Variants in DPH6 observed in about 807,000 individuals in gnomAD.
DPH6 encodes diphthine--ammonia ligase.
In DPH6, 33 loss-of-function variants were observed where a neutral mutation model predicts 38.2. The observed-to-expected ratio is 0.86, with a 90% CI of 0.65 to 1.15. The LOEUF is 1.15. Among genes scored for constraint, DPH6 ranks in the 50% most tolerant of loss-of-function variants. The probability of loss-of-function intolerance (pLI) is 0.00; values close to 1 mark genes in which losing one functional copy is unlikely to be tolerated. For missense variants in DPH6, 325 were observed against 320.0 expected (o/e 1.02, Z -0.12); for synonymous variants, 108 against 103.0 (o/e 1.05, Z -0.30).
At chr15:35,448,851 C>A (rs184302022) in intron 5 of DPH6, among the ~76,000 whole-genome samples, 1 of 151,844 alleles carries the variant, frequency 6.6e-6, no homozygotes, top group Non-Finnish European at 1.5e-5. Context: ...AGGTTACATA[C>A]CATAATTATA....
chr15:35,373,417 A>G, intron 8 of DPH6, 104 bp downstream of exon 8: 2 of 989,492 alleles, frequency 2.0e-6, no homozygotes, highest in Non-Finnish European at 2.8e-6. Context: ...ATAAAAATCA[A>G]TTTTCTTTTT....
chr15:35,279,280 C>T (rs318354), intron 3 of DPH6, among the ~76,000 whole-genome samples: 149,225 of 151,882 alleles, frequency 0.98, 73,363 homozygotes, highest in East Asian at 1. Context: ...AATCTCCAGA[C>T]GAGACTTTGG....
chr15:35,340,188 T>C (rs1205025262), intron 3 of DPH6, among the ~76,000 whole-genome samples: 1 of 152,232 alleles, frequency 6.6e-6, no homozygotes, highest in African/African-American at 2.4e-5. Context: ...TGTTAGAAAC[T>C]AGGATTGCAA....
intron 6 of DPH6, among the ~76,000 whole-genome samples, chr15:35,394,373 C>T (rs959085791): frequency 2.5e-4 from 38 of 152,144 alleles, no homozygotes; most frequent in African/African-American, 8.7e-4. Context: ...TCCAGTTTTG[C>T]TACTTCCCAG....
In DPH6 at chr15:35,269,441, C is replaced by T. The variant is rs368515927; in HGVS notation, n.201-48859G>A. On this transcript the variant is annotated intron_variant and non_coding_transcript_variant, in intron 3 of 3. Transcript: ENST00000560386. ...TAGTCAGTAAGGATAAACCTATTTC[C>T]GTGAATTTTAGGACTTCATTTTATT... 1.4e-4 allele frequency among the ~76,000 whole-genome samples: 21 copies of T among 151,954 alleles called. No homozygotes were observed. In the East Asian group the frequency reaches 3.1e-3, roughly 22 times the overall value.
rs914602657 is a variant in DPH6, at chr15:35,237,825, TGGAGGA to T, written n.201-17249_201-17244del. On this transcript the variant is annotated intron_variant and non_coding_transcript_variant, in intron 3 of 3. Transcript: ENST00000560386. Reference sequence around the variant, plus strand: ...GATGCTGAGGGCTACGTGGAGGGCCTGGAGGAGGAGGAGGAGGATGAGGATGAGGAG... The same window carrying T: ...GATGCTGAGGGCTACGTGGAGGGCCTGGAGGAGGAGGATGAGGATGAGGAG... 14 of 1,545,884 alleles carry T rather than the reference TGGAGGA, an allele frequency of 9.1e-6. No homozygotes were observed. In the African/African-American group the frequency reaches 1.4e-4, roughly 15 times the overall value.
the DPH6 span, among the ~76,000 whole-genome samples, chr15:35,175,958 A>C: frequency 6.6e-6 from 1 of 152,222 alleles, no homozygotes; most frequent in Non-Finnish European, 1.5e-5. Flanking sequence ...TCAAACGTGG[A>C]GAAAAACTTT....
At chr15:35,387,991 G>T (rs938367171) in intron 6 of DPH6, among the ~76,000 whole-genome samples, 6 of 152,020 alleles carry the variant, frequency 3.9e-5, no homozygotes, top group African/African-American at 1.4e-4. Context: ...GTCATAGATA[G>T]CTCTTATTAT....
chr15:35,395,846 A>G (rs2053124497), intron 6 of DPH6, among the ~76,000 whole-genome samples: 1 of 152,224 alleles, frequency 6.6e-6, no homozygotes, highest in South Asian at 2.1e-4. Flanking sequence ...AGCAGTTAGC[A>G]TAGAACTGGA....
intron 5 of DPH6, 144 bp from the exon 6 acceptor site, chr15:35,411,040 T>C (rs1036318641): frequency 3.7e-5 from 24 of 656,064 alleles, no homozygotes; most frequent in Non-Finnish European, 5.3e-5. Flanking sequence ...AAATGTACTT[T>C]GCTAGTATTT....
Position 35,230,724 on chromosome 15 carries a change from A to G in DPH6, n.201-10142T>C, listed in dbSNP as rs543650069. On this transcript the variant is annotated intron_variant and non_coding_transcript_variant, in intron 3 of 3. Transcript: ENST00000560386. ...TCAAGGGATCTTCAGTTAGCAGGTG[A>G]TGAATCCTGCCAGGACTGAGCCCTT... Among the ~76,000 whole-genome samples the G allele has an allele frequency of 7.2e-5, 11 of 152,264 alleles. No individual in the cohort carries two copies. The East Asian group carries it at 1.4e-3, about 19-fold the overall frequency.
chr15:35,411,506 T>C (rs2053366438), intron 5 of DPH6, among the ~76,000 whole-genome samples: 1 of 151,690 alleles, frequency 6.6e-6, no homozygotes, highest in African/African-American at 2.4e-5. Context: ...ACTGTGCCAA[T>C]AGCGTGTGCG....
At chr15:35,400,696 TA>T in intron 6 of DPH6, 1 of 679,164 alleles carries the variant, frequency 1.5e-6, no homozygotes. Flanking sequence ...CCATCATGTC[TA>T]AGTCAGAGTC....
chr15:35,296,575 T>C (rs1368297085), intron 3 of DPH6, among the ~76,000 whole-genome samples: 2 of 152,202 alleles, frequency 1.3e-5, no homozygotes, highest in Non-Finnish European at 1.5e-5. Flanking sequence ...TCAAAATCTC[T>C]AAAGCTACAC....
chr15:35,452,744 A>C (rs940380109), intron 4 of DPH6, among the ~76,000 whole-genome samples: 6 of 152,258 alleles, frequency 3.9e-5, no homozygotes, highest in Non-Finnish European at 8.8e-5. Context: ...CTACCCATGT[A>C]ATACAAACAT....
At chr15:35,320,573 A>C (rs988477975) in intron 3 of DPH6, among the ~76,000 whole-genome samples, 1 of 152,182 alleles carries the variant, frequency 6.6e-6, no homozygotes, top group Non-Finnish European at 1.5e-5. Flanking sequence ...CCTATAATTA[A>C]ATAGCTGGCT....
intron 3 of DPH6, chr15:35,237,654 A>G (rs2051563649): frequency 6.2e-6 from 10 of 1,613,680 alleles, no homozygotes; most frequent in African/African-American, 5.3e-5. Context: ...GAGCCACTGA[A>G]AAACTTAGAA....
intron 3 of DPH6, among the ~76,000 whole-genome samples, chr15:35,255,809 T>C (rs565064446): frequency 1.3e-5 from 2 of 151,450 alleles, no homozygotes; most frequent in African/African-American, 4.8e-5. Context: ...ATAATGAATA[T>C]GATCCTTAGA....
At chr15:35,461,401 AAAG>A (rs2054065558) in intron 3 of DPH6, among the ~76,000 whole-genome samples, 1 of 152,196 alleles carries the variant, frequency 6.6e-6, no homozygotes, top group South Asian at 2.1e-4. Flanking sequence ...TGTACAAAGA[AAAG>A]CCACAGCAAT....
Sources: allele counts gnomAD v4.1 joint callset (sites outside exome capture counted in the v4.1 genomes callset), GRCh38; gene constraint gnomAD v4.1.1; transcripts MANE v1.5; gene names NCBI Gene and HGNC (gene_info 2026-07-23, HGNC 2026-07-21).